Variants in STK3 observed in about 807,000 individuals in gnomAD.
STK3 encodes serine/threonine-protein kinase 3.
Under a neutral mutation model 58.0 loss-of-function variants are expected in STK3, and 41 were observed. That is an observed-to-expected ratio of 0.71 (90% confidence interval 0.55 to 0.92). The LOEUF is 0.92. Among genes scored for constraint, STK3 ranks in the 40% least tolerant of loss-of-function variants. STK3 has a pLI of 0.00. For synonymous variants in STK3, 170 were observed against 191.0 expected (o/e 0.89, Z 0.91); for missense variants, 479 against 602.7 (o/e 0.79, Z 2.15).
At chr8:98,585,359 T>TC (rs1814436610) in intron 7 of STK3, among the ~76,000 whole-genome samples, 1 of 152,154 alleles carries the variant, frequency 6.6e-6, no homozygotes, top group South Asian at 2.1e-4. Flanking sequence ...GGGAATCCTT[T>TC]CCCCATTGCT....
intron 6 of STK3, chr8:98,633,429 G>A (rs1819400038): frequency 4.0e-6 from 2 of 497,924 alleles, no homozygotes; most frequent in Non-Finnish European, 7.4e-6. Flanking sequence ...ACTTTAGAGA[G>A]GAGATTGAGA....
At chr8:98,764,404 A>C (rs1324115050) in intron 3 of STK3, among the ~76,000 whole-genome samples, 1 of 152,220 alleles carries the variant, frequency 6.6e-6, no homozygotes, top group Non-Finnish European at 1.5e-5. Context: ...ACAGGTGCTA[A>C]TAAAGAAAAA....
intron 10 of STK3, among the ~76,000 whole-genome samples, chr8:98,484,841 T>C (rs1455923729): frequency 1.3e-5 from 2 of 152,190 alleles, no homozygotes; most frequent in Non-Finnish European, 2.9e-5. Flanking sequence ...TACATACATA[T>C]ACACAAACTA....
At chr8:98,771,295 A>G (rs1331570416) in intron 2 of STK3, among the ~76,000 whole-genome samples, 2 of 152,244 alleles carry the variant, frequency 1.3e-5, no homozygotes, top group Non-Finnish European at 2.9e-5. Flanking sequence ...TTTATGGCTA[A>G]AAGGTCACTG....
intron 10 of STK3, among the ~76,000 whole-genome samples, chr8:98,516,353 A>G (rs1824932871): frequency 6.6e-6 from 1 of 152,092 alleles, no homozygotes; most frequent in East Asian, 1.9e-4. Flanking sequence ...TGACAACAAA[A>G]AAGATGAATT....
At chr8:98,913,728 A>G (rs1424201371) in intron 1 of STK3, among the ~76,000 whole-genome samples, 1 of 152,278 alleles carries the variant, frequency 6.6e-6, no homozygotes, top group Non-Finnish European at 1.5e-5. Context: ...GAGGAAAATA[A>G]TCTTCCACAC....
chr8:98,605,110 AAGTTCCAAACTTTCCCT>A (rs1432140531), intron 6 of STK3, among the ~76,000 whole-genome samples: 1 of 152,112 alleles, frequency 6.6e-6, no homozygotes, highest in African/African-American at 2.4e-5. Context: ...AGTCTCTAAG[AAGTTCCAAACTTTCCCT>A]CATTTTCCTG....
chr8:98,872,255 T>C (rs1049020259), intron 3 of STK3, among the ~76,000 whole-genome samples: 2 of 152,222 alleles, frequency 1.3e-5, no homozygotes. Flanking sequence ...CAGTATTTTA[T>C]TGAGGATTTT....
At chr8:98,406,459 C>A (rs187363548) in intron 3 of STK3, among the ~76,000 whole-genome samples, 3 of 152,160 alleles carry the variant, frequency 2.0e-5, no homozygotes, top group East Asian at 1.9e-4. Flanking sequence ...AACCTCCCCC[C>A]TCTAGGGTTC....
At chr8:98,442,252 T>C (rs1404831044) in intron 1 of STK3, among the ~76,000 whole-genome samples, 1 of 152,200 alleles carries the variant, frequency 6.6e-6, no homozygotes, top group Admixed American at 6.5e-5. Context: ...ACAAAAGCCT[T>C]CCCCTCTCCA....
chr8:98,631,154 C>A (rs1157666614), intron 6 of STK3, among the ~76,000 whole-genome samples: 2 of 152,152 alleles, frequency 1.3e-5, no homozygotes, highest in South Asian at 4.1e-4. Context: ...GAAGAAGTAA[C>A]CTCCTCACTA....
At chr8:98,373,077 G>A (rs1211819470) in intron 2 of STK3, among the ~76,000 whole-genome samples, 1 of 152,210 alleles carries the variant, frequency 6.6e-6, no homozygotes, top group Admixed American at 6.5e-5. Flanking sequence ...AGTCAGATGA[G>A]GGGAAGGAAA....
At chr8:98,403,657 G>A (rs1319747412) in intron 3 of STK3, among the ~76,000 whole-genome samples, 3 of 152,150 alleles carry the variant, frequency 2.0e-5, no homozygotes, top group African/African-American at 4.8e-5. Context: ...GTGTCCCTCT[G>A]GCCTGCCCTA....
chr8:98,639,836 C>T (rs949788206), intron 6 of STK3, among the ~76,000 whole-genome samples: 3 of 152,024 alleles, frequency 2.0e-5, no homozygotes, highest in Non-Finnish European at 4.4e-5. Flanking sequence ...CCTGGCCAGG[C>T]GCGGTGGCTC....
At chr8:98,377,723 C>T (rs1421570005) in intron 2 of STK3, among the ~76,000 whole-genome samples, 1 of 152,088 alleles carries the variant, frequency 6.6e-6, no homozygotes, top group Non-Finnish European at 1.5e-5. Flanking sequence ...CTGAGAGCTG[C>T]TTCTTGCTTT....
intron 2 of STK3, among the ~76,000 whole-genome samples, chr8:98,771,661 T>G (rs1831323899): frequency 6.6e-6 from 1 of 151,898 alleles, no homozygotes; most frequent in South Asian, 2.1e-4. Flanking sequence ...GCCTCCTGGG[T>G]TCAAGCAATT....
At chr8:98,425,924 G>A (rs62532728) in intron 3 of STK3, among the ~76,000 whole-genome samples, 15,254 of 152,208 alleles carry the variant, frequency 0.1, 860 homozygotes, top group Non-Finnish European at 0.13. Context: ...CACAACCACG[G>A]TGCTCCAGTC....
chr8:98,742,844 C>A (rs1453358878), intron 4 of STK3, among the ~76,000 whole-genome samples: 6 of 151,844 alleles, frequency 4.0e-5, no homozygotes, highest in African/African-American at 1.2e-4. Flanking sequence ...TTGTCTTAGC[C>A]CAAAATCTCC....
At chr8:98,788,513 A>G (rs1473908405) in intron 1 of STK3, among the ~76,000 whole-genome samples, 2 of 152,230 alleles carry the variant, frequency 1.3e-5, no homozygotes, top group Admixed American at 6.5e-5. Flanking sequence ...TTCACCAACC[A>G]TCTGCTGCCT....
Sources: allele counts gnomAD v4.1 joint callset (sites outside exome capture counted in the v4.1 genomes callset), GRCh38; gene constraint gnomAD v4.1.1; transcripts MANE v1.5; gene names NCBI Gene and HGNC (gene_info 2026-07-23, HGNC 2026-07-21).